The following GSDMC variants were observed in gnomAD, a reference collection of about 807,000 sequenced individuals.
The protein encoded by GSDMC is gasdermin C.
A neutral mutation model predicts 58.0 loss-of-function variants in GSDMC; 59 were observed. The observed-to-expected ratio is 1.02, with a 90% CI of 0.82 to 1.26. GSDMC has a LOEUF of 1.26. Ranked by LOEUF, GSDMC falls within the 50% of genes most tolerant of loss-of-function variation. The pLI, the probability that GSDMC is intolerant of heterozygous loss-of-function variation, is 0.00. For missense variants in GSDMC, 659 were observed against 598.5 expected (o/e 1.10, Z -1.06); for synonymous variants, 241 against 220.2 (o/e 1.09, Z -0.83).
chr8:129,751,988 T>G, intron 8 of GSDMC, 97 bp from the exon 9 acceptor site: 1 of 1,452,612 alleles, frequency 6.9e-7, no homozygotes. Context: ...TCTCTATCTG[T>G]TCCTGCCCTT....
chr8:129,777,946 G>A (rs1032396859), intron 1 of GSDMC, among the ~76,000 whole-genome samples: 2 of 152,060 alleles, frequency 1.3e-5, no homozygotes, highest in African/African-American at 4.8e-5. Flanking sequence ...AAAATTCATT[G>A]CCCCTTATTG....
the GSDMC span, among the ~76,000 whole-genome samples, chr8:129,717,369 G>T: frequency 1.3e-5 from 2 of 150,272 alleles, no homozygotes; most frequent in Non-Finnish European, 3.0e-5. Flanking sequence ...GAGGGTGTAT[G>T]TGTCTAGAAA....
chr8:129,709,543 A>T, the GSDMC span, among the ~76,000 whole-genome samples: 1 of 118,004 alleles, frequency 8.5e-6, no homozygotes, highest in Non-Finnish European at 1.5e-5. Context: ...TGATATAGAT[A>T]GATAATAGAT....
chr8:129,768,960 C>A (rs1479056942), intron 3 of GSDMC, among the ~76,000 whole-genome samples: 1 of 152,100 alleles, frequency 6.6e-6, no homozygotes, highest in African/African-American at 2.4e-5. Flanking sequence ...CACCTGTAGT[C>A]CTAGCTACTC....
At chr8:129,752,973 A>G in intron 6 of GSDMC, 153 bp from the exon 7 acceptor site, 1 of 1,342,080 alleles carries the variant, frequency 7.5e-7, no homozygotes, top group Non-Finnish European at 9.9e-7. Context: ...GGAATTGCCC[A>G]TTCCTTCTTT....
chr8:129,761,768 A>G (rs1187003970), intron 5 of GSDMC, among the ~76,000 whole-genome samples: 2 of 152,124 alleles, frequency 1.3e-5, no homozygotes, highest in Non-Finnish European at 2.9e-5. Flanking sequence ...TGCTTTGGAT[A>G]TGGTCAGTCT....
At chr8:129,713,619 C>T in the GSDMC span, among the ~76,000 whole-genome samples, 2 of 152,098 alleles carry the variant, frequency 1.3e-5, no homozygotes, top group African/African-American at 2.4e-5. Flanking sequence ...AACAAGGATC[C>T]AATGAGCTTG....
At chr8:129,778,747 C>T (rs1310909718) in intron 1 of GSDMC, among the ~76,000 whole-genome samples, 1 of 139,346 alleles carries the variant, frequency 7.2e-6, no homozygotes, top group Non-Finnish European at 1.5e-5. Context: ...CTATAAGGAA[C>T]TTGAGCCAAT....
At chr8:129,769,639 C>T (rs768328745) in intron 3 of GSDMC, among the ~76,000 whole-genome samples, 2 of 151,388 alleles carry the variant, frequency 1.3e-5, no homozygotes, top group South Asian at 2.1e-4. Flanking sequence ...CCAACTCCCA[C>T]GATAATGATA....
At chr8:129,731,009 C>A in the GSDMC span, among the ~76,000 whole-genome samples, 6 of 152,148 alleles carry the variant, frequency 3.9e-5, no homozygotes, top group African/African-American at 1.4e-4. Context: ...CAGTTTAAAT[C>A]TTCATTATGA....
chr8:129,742,147 TG>T, the GSDMC span, among the ~76,000 whole-genome samples: 1 of 151,830 alleles, frequency 6.6e-6, no homozygotes, highest in African/African-American at 2.4e-5. Context: ...GGGACTAAGA[TG>T]GGGGTTATTG....
At chr8:129,753,007 C>G in intron 6 of GSDMC, 187 bp from the exon 7 acceptor site, 6 of 1,104,062 alleles carry the variant, frequency 5.4e-6, no homozygotes, top group Non-Finnish European at 7.5e-6. Context: ...TCTTGGCAAG[C>G]CTTGCAAATG....
chr8:129,750,578 C>A lies in GSDMC; in HGVS notation c.944-8G>T. Reference sequence around the variant, plus strand: ...CTTGTAGATGCTTGAAATCTGCTCTCAGGCATCAACGCCGACCAGAAAGTG... The same window carrying A: ...CTTGTAGATGCTTGAAATCTGCTCTAAGGCATCAACGCCGACCAGAAAGTG... On this transcript the variant is annotated splice_region_variant and splice_polypyrimidine_tract_variant and intron_variant, in intron 10 of 13. Coordinates refer to ENST00000276708, the MANE Select transcript of GSDMC (RefSeq NM_031415.3). The A allele has an allele frequency of 6.2e-7, 1 of 1,613,244 alleles. No individual in the cohort carries two copies. Among genetic ancestry groups the A allele is most frequent in the South Asian group, 1.1e-5 (1 of 90,926 alleles).
At chr8:129,732,388 G>C in the GSDMC span, among the ~76,000 whole-genome samples, 1 of 151,326 alleles carries the variant, frequency 6.6e-6, no homozygotes, top group Non-Finnish European at 1.5e-5. Context: ...CCCTAGGGAG[G>C]GGGGAAAAGG....
rs1455805546 is a variant in GSDMC, at chr8:129,749,439, G to A, written c.1287+13C>T. ...CCTCTTCCCTGAACTTCTGGCCCCT[G>A]GGAAGTTCTCACCAGCTCCTGTTGC... is the stretch of plus-strand genomic sequence containing the variant. On this transcript the variant is annotated intron_variant, in intron 13 of 13. Coordinates refer to ENST00000276708, the MANE Select transcript of GSDMC (RefSeq NM_031415.3). 1.9e-6 allele frequency: 3 copies of A among 1,585,588 alleles called. No homozygotes were observed. In the African/African-American group the frequency reaches 4.0e-5, roughly 21 times the overall value.
At chr8:129,785,476 A>G (rs750063289) in intron 1 of GSDMC, among the ~76,000 whole-genome samples, 1 of 151,986 alleles carries the variant, frequency 6.6e-6, no homozygotes, top group Non-Finnish European at 1.5e-5. Flanking sequence ...GTATTTCTGA[A>G]TAAGATCTAG....
intron 6 of GSDMC, among the ~76,000 whole-genome samples, chr8:129,757,148 A>G (rs1004122678): frequency 1.3e-5 from 2 of 151,992 alleles, no homozygotes; most frequent in Non-Finnish European, 2.9e-5. Context: ...CAAAATTGAC[A>G]AAACTTTAGC....
chr8:129,724,701 C>T, the GSDMC span, among the ~76,000 whole-genome samples: 2 of 151,450 alleles, frequency 1.3e-5, no homozygotes, highest in African/African-American at 4.9e-5. Flanking sequence ...TACTTTTTAG[C>T]GAAAAAGCGT....
chr8:129,706,687 T>C, the GSDMC span: 10 of 152,202 alleles, frequency 6.6e-5, no homozygotes, highest in Admixed American at 3.3e-4. Context: ...AACCCCATGC[T>C]ACAAGCACAG....
Sources: allele counts gnomAD v4.1 joint callset (sites outside exome capture counted in the v4.1 genomes callset), GRCh38; gene constraint gnomAD v4.1.1; transcripts MANE v1.5; gene names NCBI Gene and HGNC (gene_info 2026-07-23, HGNC 2026-07-21).